The following BRD2 variants were observed in gnomAD, a reference collection of about 807,000 sequenced individuals.
The protein encoded by BRD2 is bromodomain-containing protein 2.
A neutral mutation model predicts 79.1 loss-of-function variants in BRD2; 15 were observed. That is an observed-to-expected ratio of 0.19 (90% CI 0.13 to 0.29). BRD2 has a LOEUF of 0.29. Among genes scored for constraint, BRD2 ranks in the 10% least tolerant of loss-of-function variants. The pLI, the probability that BRD2 is intolerant of heterozygous loss-of-function variation, is 1.00. For missense variants in BRD2, 1,053 were observed against 991.3 expected, an observed-to-expected ratio of 1.06 and a Z score of -0.84; for synonymous variants, 488 against 358.6, an observed-to-expected ratio of 1.36 and a Z score of -4.08.
chr6:32,975,342 A>G (rs912955964), intron 3 of BRD2, 42 bp from the exon 4 acceptor site: 4 of 1,530,018 alleles, frequency 2.6e-6, no homozygotes, highest in African/African-American at 2.8e-5. Flanking sequence ...CCCTATAAGC[A>G]TTTATTTTTC....
intron 7 of BRD2, 170 bp from the exon 8 acceptor site, chr6:32,977,268 ATTTC>A (rs745731978): frequency 6.4e-7 from 1 of 1,557,224 alleles, no homozygotes; most frequent in Non-Finnish European, 8.6e-7. Flanking sequence ...AGACATAAAT[ATTTC>A]TTCAACCCAC....
Position 32,980,873 on chromosome 6 carries a change from C to CAGGGACATTTACTGAAGG in BRD2, c.*164_*181dup. On this transcript the variant is annotated 3_prime_UTR_variant, in exon 13 of 13. Coordinates refer to ENST00000374825, the MANE Select transcript of BRD2 (RefSeq NM_005104.4). Reference sequence around the variant, plus strand: ...CTGGCTCTGCAGTGGGGGAGGGATGCAGGGACATTTACTGAAGGAGGGACA... The same window carrying CAGGGACATTTACTGAAGG: ...CTGGCTCTGCAGTGGGGGAGGGATGCAGGGACATTTACTGAAGGAGGGACATTTACTGAAGGAGGGACA... The CAGGGACATTTACTGAAGG allele has an allele frequency of 1.2e-6, 1 of 863,740 alleles. No homozygotes were observed. The highest frequency in any genetic ancestry group is 1.8e-6 in the Non-Finnish European group (1 of 570,378). 53.5% of individuals were successfully genotyped at this position (863,740 alleles called of 1,614,324 possible). A position where few individuals can be genotyped will look rare whatever the true frequency, so the allele number is the denominator to read the frequency against.
At chr6:32,974,389 A>G (rs1778436538) in intron 2 of BRD2, 73 bp from the exon 3 acceptor site, 2 of 1,483,908 alleles carry the variant, frequency 1.3e-6, no homozygotes, top group South Asian at 1.3e-5. Flanking sequence ...ACCTGGATTC[A>G]TCAGACTATT....
Position 32,972,488 on chromosome 6 carries a change from G to C in BRD2, c.-411G>C, listed in dbSNP as rs922324958. The C allele has an allele frequency of 9.8e-6, 3 of 307,014 alleles. No individual in the cohort carries two copies. The highest frequency in any genetic ancestry group is 1.2e-5 in the Non-Finnish European group (2 of 162,006). The allele number at this position is 307,014 out of a possible 1,614,324, so 19.0% of individuals were successfully genotyped here. ...GCGGCGGCTCCCTAAACCACTTTTC[G>C]TGTTCATCCGCCTCCATCCGAGATC... On this transcript the variant is annotated 5_prime_UTR_variant, in exon 2 of 13. Transcript: ENST00000374825.
rs1192582152 is a variant in BRD2 at position 32,979,894 on chromosome 6, G to A, written c.1908G>A (p.Glu636=). ...CTACAGGTTATGATTCAGAGGAGGA[G>A]GAAGAGAGCAGGCCCATGAGTTACG... ...ALPTGYDSEE[E]EESRPMSYDE... The change falls in exon 11 of 13, where the codon GAG becomes GAA. Residue 636 remains glutamate, a synonymous_variant. Coordinates refer to ENST00000374825, the MANE Select transcript of BRD2 (RefSeq NM_005104.4). 1 of 1,613,178 alleles carries A rather than the reference G, an allele frequency of 6.2e-7. No individual in the cohort carries two copies. Among genetic ancestry groups the A allele is most frequent in the Non-Finnish European group, 8.5e-7 (1 of 1,180,032 alleles).
At chr6:32,974,866 C>G in intron 3 of BRD2, 101 bp downstream of exon 3, 2 of 1,435,690 alleles carry the variant, frequency 1.4e-6, no homozygotes, top group Non-Finnish European at 1.9e-6. Context: ...CTAGGGAGTT[C>G]CCATTTCTCC....
rs762244442 is a variant in BRD2 at position 32,971,763 on chromosome 6, C to A, written c.-1136C>A. On this transcript the variant is annotated 5_prime_UTR_variant, in exon 2 of 13. Transcript: ENST00000374825. ...ACGACCTGCTCGAGCTTGGCAGTCT[C>A]CAGTTGGGCTGTGCATGGAAGCTTG... 3 of 601,958 alleles carry A rather than the reference C, an allele frequency of 5.0e-6. No individual in the cohort carries two copies. The highest frequency in any genetic ancestry group is 2.9e-5 in the Admixed American group (1 of 33,970). The allele number at this position is 601,958 out of a possible 1,614,324, so 37.3% of individuals were successfully genotyped here. A position where few individuals can be genotyped will look rare whatever the true frequency, so the allele number is the denominator to read the frequency against.
chr6:32,980,271 G>A, intron 11 of BRD2, 71 bp from the exon 12 acceptor site: 1 of 1,589,700 alleles, frequency 6.3e-7, no homozygotes, highest in South Asian at 1.1e-5. Context: ...AAGGGAACTT[G>A]GGAACCTTAG....
Position 32,977,946 on chromosome 6 carries a change from A to T in BRD2, c.1519A>T (p.Ser507Cys), listed in dbSNP as rs1347207926. The T allele has an allele frequency of 6.2e-7, 1 of 1,612,554 alleles. No homozygotes were observed. The highest frequency in any genetic ancestry group is 8.5e-7 in the Non-Finnish European group (1 of 1,180,026). ...TGAGGAGGACGAGGAGGAAGAAGAGAGTGAAAGCTCAGACTCAGAGGAAGA... is the reference window on the plus strand; with the variant it reads ...TGAGGAGGACGAGGAGGAAGAAGAGTGTGAAAGCTCAGACTCAGAGGAAGA... ...EDEEDEEEEE[S>C]ESSDSEEERA... Residue 507 changes from serine (S) to cysteine (C), a missense_variant, in exon 9 of 13, where the codon AGT becomes TGT. Around this residue, in one of 5 missense-constraint regions of BRD2, gnomAD observed 454 missense variants for 430.5 expected, o/e 1.05. Transcript: ENST00000374825.
chr6:32,973,019 C>T (rs1167131809), intron 2 of BRD2, 92 bp downstream of exon 2: 11 of 1,612,680 alleles, frequency 6.8e-6, no homozygotes, highest in East Asian at 2.2e-5. Context: ...TGAGCGGCCC[C>T]GGCGCGCTGC....
chr6:32,978,598 A>G (rs1779090042), intron 10 of BRD2: 2 of 748,244 alleles, frequency 2.7e-6, no homozygotes, highest in South Asian at 3.9e-5. Context: ...TTTTGGGATG[A>G]AACTGTTCCA....
At chr6:32,978,563 C>T in intron 10 of BRD2, 175 bp downstream of exon 10, 1 of 1,051,966 alleles carries the variant, frequency 9.5e-7, no homozygotes, top group Non-Finnish European at 1.3e-6. Flanking sequence ...CAGATTTTAC[C>T]ACAGACAGGG....
At chr6:32,977,618 T>A in intron 8 of BRD2, 48 bp downstream of exon 8, 1 of 1,609,494 alleles carries the variant, frequency 6.2e-7, no homozygotes, top group Non-Finnish European at 8.5e-7. Context: ...TGGGGAGTTA[T>A]TTTGTCATGT....
intron 10 of BRD2, 44 bp downstream of exon 10, chr6:32,978,432 C>G: frequency 6.3e-7 from 1 of 1,592,660 alleles, no homozygotes; most frequent in Non-Finnish European, 8.5e-7. Flanking sequence ...CTATTTCTGT[C>G]TCTCTGGGGG....
intron 4 of BRD2, 89 bp downstream of exon 4, chr6:32,975,610 C>A (rs895886185): frequency 7.9e-6 from 12 of 1,509,996 alleles, no homozygotes; most frequent in Non-Finnish European, 1.1e-5. Context: ...AAGTTTAAAT[C>A]CTTTGCTACT....
intron 10 of BRD2, 89 bp from the exon 11 acceptor site, chr6:32,979,739 A>G (rs144607208): frequency 0.017 from 24,761 of 1,443,252 alleles, 267 homozygotes; most frequent in Non-Finnish European, 0.02. Context: ...CACTCTGGGC[A>G]GGAAATAGGA....
Position 32,972,747 on chromosome 6 carries a change from C to T in BRD2, c.-152C>T, listed in dbSNP as rs554732133. The T allele has an allele frequency of 7.6e-6, 9 of 1,190,386 alleles. No homozygotes were observed. In the African/African-American group the frequency reaches 1.2e-4, roughly 16 times the overall value. 73.7% of individuals were successfully genotyped at this position (1,190,386 alleles called of 1,614,324 possible). A position where few individuals can be genotyped will look rare whatever the true frequency, so the allele number is the denominator to read the frequency against. On this transcript the variant is annotated 5_prime_UTR_variant, in exon 2 of 13. Coordinates refer to ENST00000374825, the MANE Select transcript of BRD2 (RefSeq NM_005104.4). ...CGAGAGGCCCCAAAGAGACTGCTTTCGTGCCGGCCAGGCAGGGGGTTTGTC... is the reference window on the plus strand; with the variant it reads ...CGAGAGGCCCCAAAGAGACTGCTTTTGTGCCGGCCAGGCAGGGGGTTTGTC...
chr6:32,969,345 G>T (rs2127495661), intron 1 of BRD2: 1 of 717,006 alleles, frequency 1.4e-6, no homozygotes, highest in South Asian at 1.5e-5. Flanking sequence ...ACAGCAGCCG[G>T]GAGCCAGGTG....
chr6:32,974,168 G>C (rs1409460281), intron 2 of BRD2, among the ~76,000 whole-genome samples: 1 of 152,126 alleles, frequency 6.6e-6, no homozygotes, highest in African/African-American at 2.4e-5. Context: ...CTGAGATGTC[G>C]TGCCTTGTCA....
Sources: allele counts gnomAD v4.1 joint callset (sites outside exome capture counted in the v4.1 genomes callset), GRCh38; gene constraint gnomAD v4.1.1; regional missense constraint gnomAD v4.1.1; transcripts MANE v1.5; gene names NCBI Gene and HGNC (gene_info 2026-07-23, HGNC 2026-07-21).